The following COL21A1 variants were observed in gnomAD, a reference collection of about 807,000 sequenced individuals.
COL21A1 encodes the protein collagen alpha-1(XXI) chain.
In COL21A1, 149 loss-of-function variants were observed where a neutral mutation model predicts 137.9. The ratio of observed to expected loss-of-function variants is 1.08; its 90% CI spans 0.95 to 1.24. COL21A1 has a LOEUF of 1.24. COL21A1 is among the 50% of genes most tolerant of loss of function. COL21A1 has a pLI of 0.00. For synonymous variants in COL21A1, 456 were observed against 391.5 expected (o/e 1.16, Z -1.95); for missense variants, 1,167 against 1,158.4 (o/e 1.01, Z -0.11).
upstream of COL21A1, chr6:56,247,802 G>T (rs2152328348): frequency 6.5e-6 from 1 of 153,060 alleles, no homozygotes; most frequent in East Asian, 1.9e-4. Flanking sequence ...CGCGAGGAGA[G>T]AGGCAAAATA....
At chr6:56,150,515 C>CTCACAT (rs1491438843) in intron 10 of COL21A1, among the ~76,000 whole-genome samples, 14 of 31,630 alleles carry the variant, frequency 4.4e-4, no homozygotes, top group African/African-American at 3.3e-3. Flanking sequence ...GAGACTCCAT[C>CTCACAT]ACACACACAC....
At chr6:56,233,822 G>T (rs1781735931) in intron 1 of COL21A1, among the ~76,000 whole-genome samples, 1 of 150,892 alleles carries the variant, frequency 6.6e-6, no homozygotes, top group South Asian at 2.1e-4. Flanking sequence ...AAGTGTTTGG[G>T]GGAGAGGCAG....
At chr6:56,122,234 A>G (rs1432481073) in intron 16 of COL21A1, among the ~76,000 whole-genome samples, 1 of 152,218 alleles carries the variant, frequency 6.6e-6, no homozygotes, top group Non-Finnish European at 1.5e-5. Context: ...AAAACAGAGT[A>G]ATAGTTGCCA....
intron 1 of COL21A1, among the ~76,000 whole-genome samples, chr6:56,341,324 CAAT>C (rs561777693): frequency 2.8e-4 from 42 of 152,030 alleles, no homozygotes; most frequent in Non-Finnish European, 5.3e-4. Flanking sequence ...CAGATAATGT[CAAT>C]AAACTCCATT....
At chr6:56,262,834 G>A (rs1328834256) in intron 1 of COL21A1, among the ~76,000 whole-genome samples, 1 of 152,106 alleles carries the variant, frequency 6.6e-6, no homozygotes, top group Non-Finnish European at 1.5e-5. Context: ...TCAGCAGCCT[G>A]GTTCTATTCC....
chr6:56,197,457 A>G (rs570634809), intron 1 of COL21A1, among the ~76,000 whole-genome samples: 34 of 152,194 alleles, frequency 2.2e-4, no homozygotes, highest in South Asian at 6.2e-4. Context: ...TGCAAACCAT[A>G]TATCTGATAA....
At chr6:56,252,127 G>A (rs959577530), upstream of COL21A1, among the ~76,000 whole-genome samples, 2 of 152,116 alleles carry the variant, frequency 1.3e-5, no homozygotes, top group African/African-American at 2.4e-5. Flanking sequence ...ATTTCTCCTA[G>A]GATCCTACTG....
intron 1 of COL21A1, among the ~76,000 whole-genome samples, chr6:56,260,534 T>G: frequency 6.9e-6 from 1 of 145,834 alleles, no homozygotes; most frequent in South Asian, 2.2e-4. Flanking sequence ...AGACTGAGCA[T>G]CTGCACTTCA....
rs1562028875 is a variant in COL21A1 at position 56,260,653 on chromosome 6, A to AGAGAGAG, written c.-38-77998_-38-77997insCTCTCTC. 2.0e-3 allele frequency among the ~76,000 whole-genome samples: 87 copies of AGAGAGAG among 42,444 alleles called. 4 individuals carry two copies. In the Middle Eastern group the frequency reaches 0.036, roughly 17 times the overall value. The allele number at this position is 42,444 out of a possible 152,430, so 27.8% of individuals were successfully genotyped here. On this transcript the variant is annotated intron_variant, in intron 1 of 28. Coordinates refer to the COL21A1 transcript ENST00000370819. ...GAAGGAAGGAAGGAAGGAAGGAAGG[A>AGAGAGAG]AGGAATGAAGGAAGGAAGGAAGGAA... is the stretch of plus-strand genomic sequence containing the variant.
chr6:56,291,281 C>T (rs1253382060), intron 1 of COL21A1, among the ~76,000 whole-genome samples: 1 of 152,130 alleles, frequency 6.6e-6, no homozygotes, highest in Non-Finnish European at 1.5e-5. Flanking sequence ...AGATTGGATC[C>T]CTGAGAAAGG....
intron 16 of COL21A1, among the ~76,000 whole-genome samples, chr6:56,121,563 T>TAC (rs1395761646): frequency 9.7e-6 from 1 of 103,196 alleles, no homozygotes; most frequent in African/African-American, 3.8e-5. Context: ...TATATGTGTA[T>TAC]ATATATATAT....
chr6:56,297,611 G>A (rs1764192348), intron 1 of COL21A1, among the ~76,000 whole-genome samples: 1 of 152,110 alleles, frequency 6.6e-6, no homozygotes, highest in Admixed American at 6.6e-5. Context: ...GCAACTGGCT[G>A]TTCTAACTCT....
intron 1 of COL21A1, among the ~76,000 whole-genome samples, chr6:56,258,058 C>G (rs1763158263): frequency 6.6e-6 from 1 of 151,914 alleles, no homozygotes; most frequent in African/African-American, 2.4e-5. Flanking sequence ...ATAAGTACAT[C>G]TTATTTTATG....
At chr6:56,310,767 G>T (rs1274148209) in intron 1 of COL21A1, among the ~76,000 whole-genome samples, 1 of 151,862 alleles carries the variant, frequency 6.6e-6, no homozygotes, top group Non-Finnish European at 1.5e-5. Flanking sequence ...ACCAAATGAA[G>T]AAATACATAT....
At chr6:56,318,093 A>T (rs1216993410) in intron 1 of COL21A1, among the ~76,000 whole-genome samples, 1 of 152,216 alleles carries the variant, frequency 6.6e-6, no homozygotes, top group East Asian at 1.9e-4. Flanking sequence ...TGACCACAGT[A>T]AAAACAATAT....
At chr6:56,345,560 T>A (rs544603824) in intron 1 of COL21A1, among the ~76,000 whole-genome samples, 1 of 152,310 alleles carries the variant, frequency 6.6e-6, no homozygotes, top group South Asian at 2.1e-4. Flanking sequence ...CTCTTCCCAC[T>A]ACATGACAAT....
At position 56,064,612 on chromosome 6, in the gene COL21A1, C is replaced by T; in HGVS notation, c.2138G>A (p.Gly713Glu). 6.3e-7 allele frequency: 1 copy of T among 1,586,930 alleles called. No individual in the cohort carries two copies. The highest frequency in any genetic ancestry group is 8.6e-7 in the Non-Finnish European group (1 of 1,165,462). The part of the protein sequence containing the change: ...QGEKGIQGQK[G>E]ENGRQGIPGQ... The stretch of plus-strand genomic sequence containing the variant: ...TGGAATTCCCTGTCTTCCATTTTCT[C>T]CCTTTTGACCCTTTAAAATAAAAAA... Residue 713 changes from glycine to glutamate, a missense_variant, in exon 24 of 30, where the codon GGA becomes GAA. Coordinates refer to ENST00000244728, the MANE Select transcript of COL21A1 (RefSeq NM_030820.4).
rs1767353248 is a variant in COL21A1 at position 56,077,531 on chromosome 6, T to C, written c.1855A>G (p.Lys619Glu). ...AGCTAACTCTCATGAATACTTACCT[T>C]TTGGCCCATTAATCCTCGGTTTCCA... is the stretch of plus-strand genomic sequence containing the variant. Reference protein sequence around the residue: ...FPGNRGLMGQKGEIGPPGQQG... With the variant: ...FPGNRGLMGQEGEIGPPGQQG... Residue 619 changes from lysine to glutamate, a missense_variant and splice_region_variant, in exon 18 of 30, where the codon AAG (lysine) becomes GAG (glutamate). Coordinates refer to ENST00000244728, the MANE Select transcript of COL21A1 (RefSeq NM_030820.4). 6.3e-7 allele frequency: 1 copy of C among 1,576,214 alleles called. No individual in the cohort carries two copies.
At chr6:56,367,527 G>A (rs1477384272) in intron 1 of COL21A1, among the ~76,000 whole-genome samples, 1 of 152,136 alleles carries the variant, frequency 6.6e-6, no homozygotes, top group Non-Finnish European at 1.5e-5. Flanking sequence ...AGGACGCTTT[G>A]AGACAATAAG....
Sources: allele counts gnomAD v4.1 joint callset (sites outside exome capture counted in the v4.1 genomes callset), GRCh38; gene constraint gnomAD v4.1.1; transcripts MANE v1.5; gene names NCBI Gene and HGNC (gene_info 2026-07-23, HGNC 2026-07-21).